DMD: variants seen among roughly 807,000 people sequenced by gnomAD.
DMD encodes the protein dystrophin, also known as mutant dystrophin.
DMD carries 63 observed loss-of-function variants against 330.1 expected under a neutral mutation model. The ratio of observed to expected loss-of-function variants is 0.19; its 90% confidence interval spans 0.16 to 0.24. DMD has a LOEUF of 0.24. Ranked by LOEUF, DMD falls within the 10% of genes least tolerant of loss-of-function variation. DMD has a pLI of 1.00. For missense variants in DMD, 3,344 were observed against 2,684.1 expected (o/e 1.25, Z -5.43); for synonymous variants, 1,223 against 959.8 (o/e 1.27, Z -5.07).
chrX:32,194,259 G>A (rs2096988431), intron 44 of DMD, among the ~76,000 whole-genome samples: 1 of 111,561 alleles, frequency 9.0e-6, no homozygotes, highest in Non-Finnish European at 1.9e-5. Flanking sequence ...GGATGGATGT[G>A]TTTTGACAAT....
At chrX:33,320,170 A>G (rs2053994860) in intron 1 of DMD, among the ~76,000 whole-genome samples, 1 of 111,897 alleles carries the variant, frequency 8.9e-6, no homozygotes, top group Non-Finnish European at 1.9e-5. Context: ...AGCGTTAACA[A>G]AGAAGGATGA....
chrX:31,789,351 T>C (rs1309733991), intron 50 of DMD, among the ~76,000 whole-genome samples: 3 of 111,683 alleles, frequency 2.7e-5, no homozygotes, highest in African/African-American at 9.7e-5. Flanking sequence ...TACAAAACTC[T>C]ACACGCTTAC....
chrX:32,122,904 T>A (rs1046493409), intron 44 of DMD, among the ~76,000 whole-genome samples: 2 of 110,410 alleles, frequency 1.8e-5, no homozygotes, highest in Non-Finnish European at 3.8e-5. Flanking sequence ...AATAATTTTA[T>A]CTAAGTAAAT....
intron 12 of DMD, among the ~76,000 whole-genome samples, chrX:32,612,545 G>C (rs944171683): frequency 9.0e-6 from 1 of 111,542 alleles, no homozygotes; most frequent in African/African-American, 3.3e-5. Flanking sequence ...GAAGCCAACG[G>C]GTTGGACACC....
At chrX:32,959,615 C>A (rs2091792533) in intron 2 of DMD, among the ~76,000 whole-genome samples, 1 of 111,227 alleles carries the variant, frequency 9.0e-6, no homozygotes, top group African/African-American at 3.3e-5. Flanking sequence ...GAATTAAAAT[C>A]TGACTGCCCA....
At chrX:31,259,313 T>A (rs2050280374) in intron 63 of DMD, among the ~76,000 whole-genome samples, 1 of 111,708 alleles carries the variant, frequency 9.0e-6, no homozygotes, top group African/African-American at 3.3e-5. Context: ...AGATTTCTAG[T>A]TTTTCTCTTG....
intron 1 of DMD, among the ~76,000 whole-genome samples, chrX:33,078,163 A>C (rs2094874207): frequency 9.0e-6 from 1 of 111,469 alleles, no homozygotes; most frequent in Admixed American, 9.6e-5. Context: ...TGGGCCTGTT[A>C]GAAAGTGACA....
intron 7 of DMD, among the ~76,000 whole-genome samples, chrX:32,779,731 T>G (rs12009409): frequency 0.078 from 5,242 of 67,602 alleles, 690 homozygotes; most frequent in African/African-American, 0.29. Flanking sequence ...GGTGGGGGTA[T>G]GGGGGAGGGA....
At chrX:32,620,343 G>A in intron 11 of DMD, among the ~76,000 whole-genome samples, 1 of 111,523 alleles carries the variant, frequency 9.0e-6, no homozygotes, top group Admixed American at 9.5e-5. Flanking sequence ...AAATATAAAA[G>A]ATAATGGCTC....
chrX:32,522,021 G>C (rs2046474347), intron 17 of DMD, among the ~76,000 whole-genome samples: 1 of 111,798 alleles, frequency 8.9e-6, no homozygotes, highest in South Asian at 3.7e-4. Flanking sequence ...CACTAAATCT[G>C]CTAGTTACTT....
intron 7 of DMD, among the ~76,000 whole-genome samples, chrX:32,804,612 C>A (rs1299851685): frequency 1.8e-5 from 2 of 112,673 alleles, no homozygotes; most frequent in Non-Finnish European, 3.8e-5. Context: ...CAGCACAGCA[C>A]TGGAGCTCTG....
chrX:32,222,468 T>C (rs1197481485), intron 43 of DMD, among the ~76,000 whole-genome samples: 1 of 111,539 alleles, frequency 9.0e-6, no homozygotes, highest in Non-Finnish European at 1.9e-5. Flanking sequence ...ATATAAAAGA[T>C]CAATGAAACA....
At position 32,294,020 on chromosome X, in the gene DMD, C is replaced by A. The variant is rs773994509; in HGVS notation, c.6118-6319G>T. ...GGAATGTTTAGGGCTACTCCGCTAG[C>A]CTGATTAGGTCAGGTACCAGAAACG... On this transcript the variant is annotated intron_variant, in intron 42 of 78. Transcript: ENST00000357033. 2.5e-4 allele frequency among the ~76,000 whole-genome samples: 28 copies of A among 111,893 alleles called. No homozygotes were observed. In the South Asian group the frequency reaches 3.0e-3, roughly 12 times the overall value.
rs941558150 is a variant in DMD at position 31,146,312 on chromosome X, T to C, written c.10900A>G (p.Ser3634Gly). The change falls in exon 76 of 79, where the codon AGT becomes GGT. Residue 3634 changes from serine (S) to glycine (G), a missense_variant. Ser to Gly is a moderately conservative substitution (Grantham distance 56). Transcript: ENST00000357033. Reference sequence around the variant, plus strand: ...TTACCCATGGAGTCCGAAGTTTGACTGCCAACCACTCGGAGCAGCATAGGC... The same window carrying C: ...TTACCCATGGAGTCCGAAGTTTGACCGCCAACCACTCGGAGCAGCATAGGC... The part of the protein sequence containing the change: ...SQPMLLRVVG[S>G]QTSDSMGEED... 4 of 1,209,604 alleles carry C rather than the reference T, an allele frequency of 3.3e-6. No individual in the cohort carries two copies. The highest frequency in any genetic ancestry group is 4.4e-5 in the Admixed American group (2 of 45,826).
intron 62 of DMD, among the ~76,000 whole-genome samples, chrX:31,314,744 G>GAGAGAGAGAGAGAGAGAGAA (rs1556488417): frequency 1.2e-3 from 65 of 52,063 alleles, no homozygotes; most frequent in African/African-American, 4.1e-3. Flanking sequence ...TACATACACA[G>GAGAGAGAGAGAGAGAGAGAA]AGAGAGAGAG....
At chrX:31,499,489 C>CTTTTTTTTTTT (rs774151183) in intron 56 of DMD, among the ~76,000 whole-genome samples, 1 of 83,691 alleles carries the variant, frequency 1.2e-5, no homozygotes, top group African/African-American at 4.6e-5. Flanking sequence ...GAATTCAGTT[C>CTTTTTTTTTTT]TTTTTTTTTT....
chrX:32,863,388 G>A (rs768762206), intron 2 of DMD, among the ~76,000 whole-genome samples: 100 of 107,809 alleles, frequency 9.3e-4, no homozygotes, highest in South Asian at 2.1e-3. Context: ...ATGGTGGCAC[G>A]CGCCTGAAGT....
At chrX:32,427,949 T>C in intron 29 of DMD, among the ~76,000 whole-genome samples, 1 of 111,566 alleles carries the variant, frequency 9.0e-6, no homozygotes, top group Non-Finnish European at 1.9e-5. Flanking sequence ...TAACTGTAGT[T>C]ATAACATTTT....
intron 51 of DMD, among the ~76,000 whole-genome samples, chrX:31,770,099 AG>A (rs1202763060): frequency 3.6e-5 from 4 of 112,392 alleles, no homozygotes. Flanking sequence ...ATGCCCAGAA[AG>A]GCATGCTCAG....
Sources: allele counts gnomAD v4.1 joint callset (sites outside exome capture counted in the v4.1 genomes callset), GRCh38; gene constraint gnomAD v4.1.1; transcripts MANE v1.5; gene names NCBI Gene and HGNC (gene_info 2026-07-23, HGNC 2026-07-21).